Variants in EVI5 observed in about 807,000 individuals in gnomAD.
The protein encoded by EVI5 is ecotropic viral integration site 5, also known as ecotropic viral integration site 5 protein homolog.
Under a neutral mutation model 112.0 loss-of-function variants are expected in EVI5, and 73 were observed. The observed-to-expected ratio is 0.65, with a 90% confidence interval of 0.54 to 0.79. EVI5 has a LOEUF of 0.79. Ranked by LOEUF, EVI5 falls within the 30% of genes least tolerant of loss-of-function variation. The pLI is 0.00. For synonymous variants in EVI5, 305 were observed against 319.9 expected (o/e 0.95, Z 0.50); for missense variants, 900 against 968.8 (o/e 0.93, Z 0.94).
Position 92,704,678 on chromosome 1 carries a change from A to G in EVI5, c.216T>C (p.Ser72=), listed in dbSNP as rs1303189582. ...TAGAGGCTGATGAACTCGACACAAG[A>G]GAAGAGCCACTGTTTCTTCTTGACC... ...VNGSRRNSGS[S]LVSSSSASSN... is the part of the protein sequence containing the mutation. The change falls in exon 3 of 20, where the codon TCT becomes TCC. Residue 72 remains serine, a synonymous_variant. Coordinates refer to ENST00000684568, the MANE Select transcript of EVI5 (RefSeq NM_001350197.2). 6.2e-7 allele frequency: 1 copy of G among 1,604,566 alleles called. No individual in the cohort carries two copies. The highest frequency in any genetic ancestry group is 1.1e-5 in the South Asian group (1 of 89,854).
chr1:92,595,010 T>C (rs1647337497), intron 18 of EVI5, among the ~76,000 whole-genome samples: 2 of 152,184 alleles, frequency 1.3e-5, no homozygotes, highest in Non-Finnish European at 2.9e-5. Flanking sequence ...AGTGTGGCGA[T>C]TCCTCAGGGA....
chr1:92,530,023 T>C (rs1662591614), intron 19 of EVI5, among the ~76,000 whole-genome samples: 1 of 152,170 alleles, frequency 6.6e-6, no homozygotes, highest in African/African-American at 2.4e-5. Context: ...AAGCACTGTT[T>C]AGAAAAATAT....
intron 1 of EVI5, among the ~76,000 whole-genome samples, chr1:92,739,000 G>A (rs530111577): frequency 6.6e-6 from 1 of 151,978 alleles, no homozygotes; most frequent in African/African-American, 2.4e-5. Flanking sequence ...GGCCGGGCAC[G>A]GTGGCTCACA....
In EVI5 at chr1:92,624,288, T is replaced by A; in HGVS notation, c.1715A>T (p.Lys572Ile). The change falls in exon 16 of 20, where the codon AAA (lysine) becomes ATA (isoleucine). Residue 572 changes from lysine (K) to isoleucine (I), a missense_variant. Coordinates refer to ENST00000684568, the MANE Select transcript of EVI5 (RefSeq NM_001350197.2). ...TTGRWKDPPK[K>I]NAMNELQDEL... ...ATCTTGTAACTCATTCATAGCATTTTTCTTGGGTGGGTCTTTCCATCTCCC... is the reference window on the plus strand; with the variant it reads ...ATCTTGTAACTCATTCATAGCATTTATCTTGGGTGGGTCTTTCCATCTCCC... The A allele has an allele frequency of 6.2e-7, 1 of 1,613,786 alleles. No homozygotes were observed. The highest frequency in any genetic ancestry group is 8.5e-7 in the Non-Finnish European group (1 of 1,179,734).
At chr1:92,712,894 A>T (rs894048616) in intron 2 of EVI5, among the ~76,000 whole-genome samples, 5 of 151,642 alleles carry the variant, frequency 3.3e-5, no homozygotes, top group African/African-American at 1.2e-4. Context: ...TGCAAAGCTA[A>T]ATGTTCTAAT....
At chr1:92,704,473 G>T (rs1671675514) in intron 3 of EVI5, 82 bp downstream of exon 3, 2 of 829,788 alleles carry the variant, frequency 2.4e-6, no homozygotes, top group East Asian at 2.6e-5. Context: ...TTGTATTTGG[G>T]GTTTTTTTCC....
chr1:92,736,697 T>C, intron 1 of EVI5, 70 bp from the exon 2 acceptor site: 1 of 1,014,340 alleles, frequency 9.9e-7, no homozygotes. Context: ...TTAATAATTC[T>C]GTTAGGATTT....
At chr1:92,724,040 T>A (rs190581310) in intron 2 of EVI5, among the ~76,000 whole-genome samples, 61 of 152,324 alleles carry the variant, frequency 4.0e-4, no homozygotes, top group African/African-American at 1.4e-3. Flanking sequence ...AAGATGTTTA[T>A]CAAGACAATG....
intron 1 of EVI5, among the ~76,000 whole-genome samples, chr1:92,774,410 T>C (rs997227733): frequency 6.6e-5 from 10 of 152,234 alleles, no homozygotes; most frequent in Non-Finnish European, 1.3e-4. Flanking sequence ...GCATACTGGA[T>C]TCATTTCTGA....
intron 14 of EVI5, among the ~76,000 whole-genome samples, chr1:92,634,326 T>A (rs960772223): frequency 2.6e-5 from 4 of 152,234 alleles, no homozygotes; most frequent in African/African-American, 7.2e-5. Context: ...CAATCAGACG[T>A]AGATTTGGTC....
chr1:92,656,651 C>G (rs964575262), intron 13 of EVI5, among the ~76,000 whole-genome samples: 2 of 151,238 alleles, frequency 1.3e-5, no homozygotes, highest in African/African-American at 4.9e-5. Context: ...CTCAATTAAC[C>G]AAGAAAAGAG....
chr1:92,694,328 T>C lies in EVI5; in HGVS notation c.970A>G (p.Met324Val), dbSNP rs780012640. 8.8e-6 allele frequency: 14 copies of C among 1,599,154 alleles called. No individual in the cohort carries two copies. The highest frequency in any genetic ancestry group is 8.6e-6 in the Non-Finnish European group (10 of 1,168,784). Reference sequence around the variant, plus strand: ...AACATCCCTTCCATGTCAAGTTGCATCAGTTCTGCCTGATTCATCTGAAGA... The same window carrying C: ...AACATCCCTTCCATGTCAAGTTGCACCAGTTCTGCCTGATTCATCTGAAGA... ...ALLQMNQAEL[M>V]QLDMEGMLQH... Residue 324 changes from methionine (M) to valine (V), a missense_variant, in exon 8 of 20, where the codon ATG becomes GTG. Coordinates refer to ENST00000684568, the MANE Select transcript of EVI5 (RefSeq NM_001350197.2).
At chr1:92,731,289 C>T (rs750929245) in intron 2 of EVI5, among the ~76,000 whole-genome samples, 14 of 152,130 alleles carry the variant, frequency 9.2e-5, no homozygotes, top group Non-Finnish European at 1.2e-4. Flanking sequence ...CACCACTGCA[C>T]TCCAGCCTGA....
intron 2 of EVI5, among the ~76,000 whole-genome samples, chr1:92,713,003 G>A (rs1230416996): frequency 6.6e-6 from 1 of 151,470 alleles, no homozygotes; most frequent in Non-Finnish European, 1.5e-5. Flanking sequence ...TGAGAGGCTG[G>A]TCTCAAACTC....
intron 2 of EVI5, among the ~76,000 whole-genome samples, chr1:92,715,824 G>A (rs568401988): frequency 6.6e-6 from 1 of 152,196 alleles, no homozygotes; most frequent in African/African-American, 2.4e-5. Flanking sequence ...CGCCTGGCTC[G>A]GTGGGTCCCA....
intron 1 of EVI5, among the ~76,000 whole-genome samples, chr1:92,791,761 A>T (rs183219724): frequency 0.017 from 2,541 of 151,934 alleles, 61 homozygotes; most frequent in African/African-American, 0.059. Context: ...AAAAAAAAAA[A>T]GGATGAGGTG....
intron 16 of EVI5, among the ~76,000 whole-genome samples, chr1:92,620,006 T>C (rs1330603657): frequency 1.3e-5 from 2 of 152,008 alleles, no homozygotes; most frequent in African/African-American, 4.8e-5. Flanking sequence ...ACATGTATAA[T>C]TGAAACCCCT....
chr1:92,539,713 C>G (rs970175131), intron 19 of EVI5, among the ~76,000 whole-genome samples: 1 of 152,140 alleles, frequency 6.6e-6, no homozygotes, highest in African/African-American at 2.4e-5. Context: ...TGAGATATAA[C>G]TTGCCTTCCA....
intron 1 of EVI5, among the ~76,000 whole-genome samples, chr1:92,746,192 G>A (rs1242182140): frequency 6.6e-6 from 1 of 152,184 alleles, no homozygotes; most frequent in Non-Finnish European, 1.5e-5. Context: ...TGACCACATT[G>A]CAGGTCAGAG....
Sources: gnomAD v4.1 joint callset for allele counts (sites outside exome capture counted in the v4.1 genomes callset) on GRCh38, gnomAD v4.1.1 for gene constraint, MANE v1.5 for transcripts, NCBI Gene and HGNC (gene_info 2026-07-23, HGNC 2026-07-21) for gene names.